DOCK9: variants seen among roughly 807,000 people sequenced by gnomAD.
The protein encoded by DOCK9 is dedicator of cytokinesis 9, also known as dedicator of cytokinesis protein 9.
In DOCK9, 89 loss-of-function variants were observed where a neutral mutation model predicts 263.3. The observed-to-expected ratio is 0.34, with a 90% CI of 0.28 to 0.40. DOCK9 has a LOEUF of 0.40. DOCK9 is among the 10% of genes least tolerant of loss of function. DOCK9 has a pLI of 1.00. For missense variants in DOCK9, 2,140 were observed against 2,603.4 expected, an observed-to-expected ratio of 0.82 and a Z score of 3.87; for synonymous variants, 976 against 973.1, an observed-to-expected ratio of 1.00 and a Z score of -0.06.
intron 12 of DOCK9, 33 bp downstream of exon 12, chr13:98,902,255 G>A (rs1447368183): frequency 7.5e-6 from 12 of 1,607,620 alleles, no homozygotes; most frequent in Non-Finnish European, 1.0e-5. Flanking sequence ...AAGTGAGTCT[G>A]AGTAGTGGGA....
intron 2 of DOCK9, chr13:98,950,329 T>C (rs2057262134): frequency 1.2e-6 from 1 of 832,698 alleles, no homozygotes; most frequent in Non-Finnish European, 2.0e-6. Flanking sequence ...TCCTTTCTTC[T>C]GCTCCTTCTT....
At position 98,881,717 on chromosome 13, in the gene DOCK9, C is replaced by T. The variant is rs1379985771; in HGVS notation, c.2676-90G>A. On this transcript the variant is annotated intron_variant, in intron 24 of 52. Transcript: ENST00000682017. ...CAGCAGTAGTAGAACAATGATGATG[C>T]TATCAGCACTTAGGAAACAAGGAGA... 4.4e-6 allele frequency: 6 copies of T among 1,358,668 alleles called. No homozygotes were observed. In the African/African-American group the frequency reaches 7.2e-5, roughly 16 times the overall value. 84.2% of individuals were successfully genotyped at this position (1,358,668 alleles called of 1,614,324 possible).
At chr13:98,992,257 A>C (rs1259108067) in intron 1 of DOCK9, among the ~76,000 whole-genome samples, 1 of 152,160 alleles carries the variant, frequency 6.6e-6, no homozygotes, top group Non-Finnish European at 1.5e-5. Context: ...TTATCATGTC[A>C]GGATCATTTA....
intron 21 of DOCK9, among the ~76,000 whole-genome samples, chr13:98,884,105 G>A (rs1159297692): frequency 6.6e-6 from 1 of 152,164 alleles, no homozygotes; most frequent in Non-Finnish European, 1.5e-5. Context: ...TTTTATTACT[G>A]GATTTTCTAA....
chr13:98,926,001 G>A (rs1156670808), intron 3 of DOCK9, 82 bp from the exon 4 acceptor site: 37 of 1,203,728 alleles, frequency 3.1e-5, no homozygotes, highest in Non-Finnish European at 3.9e-5. Context: ...AGTTTGTGAA[G>A]GCATACCCAT....
In DOCK9 at chr13:98,868,259, G is replaced by A. The variant is rs756028718; in HGVS notation, c.3062C>T (p.Ala1021Val). ...FRDNPEASKN[A>V]NHSLAVFIKR... ...GATGAAGACAGCAAGGCTATGATTC[G>A]CGTTCTTAGATGCCTCTGGATTATC... Residue 1021 changes from alanine (A) to valine (V), a missense_variant, in exon 28 of 53, where the codon GCG becomes GTG. Ala to Val is a moderately conservative substitution (Grantham distance 64). Around this residue, in one of 2 missense-constraint regions of DOCK9, gnomAD observed 1,521 missense variants for 1,741.7 expected, o/e 0.87. Transcript: ENST00000682017. The A allele has an allele frequency of 5.6e-6, 9 of 1,613,856 alleles. No homozygotes were observed. The East Asian group carries it at 1.3e-4, about 24-fold the overall frequency.
chr13:98,847,914 G>A (rs1159228207), intron 37 of DOCK9, among the ~76,000 whole-genome samples: 1 of 152,228 alleles, frequency 6.6e-6, no homozygotes, highest in Non-Finnish European at 1.5e-5. Context: ...GACAAGAGGT[G>A]CTGCGAAGAA....
At chr13:98,852,811 CA>C (rs2093610683) in intron 35 of DOCK9, among the ~76,000 whole-genome samples, 1 of 152,204 alleles carries the variant, frequency 6.6e-6, no homozygotes, top group Admixed American at 6.5e-5. Context: ...TTATACGGTC[CA>C]GATAGAGCAT....
chr13:98,874,588 C>T (rs1267169589), intron 27 of DOCK9, among the ~76,000 whole-genome samples: 2 of 152,208 alleles, frequency 1.3e-5, no homozygotes, highest in South Asian at 4.1e-4. Context: ...CATCCTCATC[C>T]TCAATCCCAC....
chr13:98,833,609 A>C (rs1240443851), intron 39 of DOCK9, among the ~76,000 whole-genome samples: 1 of 152,242 alleles, frequency 6.6e-6, no homozygotes, highest in Non-Finnish European at 1.5e-5. Flanking sequence ...TGTTTGCAAG[A>C]ATGGAGTTAA....
chr13:99,065,994 C>T (rs2041399022), intron 1 of DOCK9, among the ~76,000 whole-genome samples: 1 of 152,222 alleles, frequency 6.6e-6, no homozygotes, highest in South Asian at 2.1e-4. Flanking sequence ...AATACATGTG[C>T]ATGCTTATTT....
intron 1 of DOCK9, among the ~76,000 whole-genome samples, chr13:99,019,207 G>A (rs1885779330): frequency 6.6e-6 from 1 of 152,168 alleles, no homozygotes; most frequent in African/African-American, 2.4e-5. Flanking sequence ...GCAGATTAGT[G>A]ATTATGGAGG....
chr13:98,833,820 T>A (rs2092872942), intron 39 of DOCK9, among the ~76,000 whole-genome samples: 2 of 152,328 alleles, frequency 1.3e-5, no homozygotes, highest in South Asian at 4.1e-4. Context: ...CCTGCTGCCT[T>A]CTCATCACAT....
intron 1 of DOCK9, among the ~76,000 whole-genome samples, chr13:99,001,028 C>G (rs77351755): frequency 0.016 from 2,399 of 152,226 alleles, 65 homozygotes; most frequent in African/African-American, 0.054. Context: ...TGTGCATTTC[C>G]CCAAATACAC....
chr13:98,863,057 C>T lies in DOCK9; in HGVS notation c.3541G>A (p.Val1181Met), dbSNP rs1463244584. The T allele has an allele frequency of 6.2e-7, 1 of 1,611,366 alleles. No homozygotes were observed. Among genetic ancestry groups the T allele is most frequent in the Non-Finnish European group, 8.5e-7 (1 of 1,178,882 alleles). ...LLIENVQRIN[V>M]RDVSPFPVNA... ...ACAGGGAAGGGTGACACATCCCTCA[C>T]ATTGATCCGCTGGACGTTTTCAATC... is the stretch of plus-strand genomic sequence containing the variant. Residue 1181 changes from valine (V) to methionine (M), a missense_variant, in exon 32 of 53, where the codon GTG becomes ATG. Physicochemically the swap from Val to Met is conservative, Grantham distance 21 (BLOSUM62 1). This residue lies in a region of DOCK9 where 1,521 missense variants were observed against 1,741.7 expected (regional missense o/e 0.87). Transcript: ENST00000682017.
chr13:98,885,150 T>C, intron 20 of DOCK9, 58 bp from the exon 21 acceptor site: 4 of 1,591,742 alleles, frequency 2.5e-6, no homozygotes, highest in South Asian at 1.1e-5. Context: ...TGAAAACTTA[T>C]GAAAGCAAGC....
chr13:98,957,559 GA>G (rs58199053), intron 1 of DOCK9, among the ~76,000 whole-genome samples: 54,831 of 145,626 alleles, frequency 0.38, 10,236 homozygotes, highest in Middle Eastern at 0.51. Flanking sequence ...TTCAAAAAAG[GA>G]AAAAAAAAAA....
At chr13:98,967,243 G>T (rs546321506) in intron 1 of DOCK9, among the ~76,000 whole-genome samples, 1 of 152,234 alleles carries the variant, frequency 6.6e-6, no homozygotes, top group Admixed American at 6.5e-5. Context: ...TATTGCCAGG[G>T]TTCTACATAC....
At chr13:98,845,239 CA>C (rs754310637) in intron 38 of DOCK9, 59 of 921,146 alleles carry the variant, frequency 6.4e-5, no homozygotes, top group African/African-American at 5.1e-4. Context: ...TAGAAAGCCC[CA>C]AAGTTAGGAA....
Sources: allele counts gnomAD v4.1 joint callset (sites outside exome capture counted in the v4.1 genomes callset), GRCh38; gene constraint gnomAD v4.1.1; regional missense constraint gnomAD v4.1.1; transcripts MANE v1.5; gene names NCBI Gene and HGNC (gene_info 2026-07-23, HGNC 2026-07-21).